GRIK4: variants seen among roughly 807,000 people sequenced by gnomAD.
GRIK4 encodes the protein glutamate receptor ionotropic, kainate 4.
GRIK4 carries 40 observed loss-of-function variants against 104.9 expected under a neutral mutation model. The observed-to-expected ratio is 0.38, with a 90% CI of 0.30 to 0.50. The LOEUF (loss-of-function observed/expected upper bound fraction) is 0.50, where lower values mean the gene tolerates loss of function less well. Among genes scored for constraint, GRIK4 ranks in the 20% least tolerant of loss-of-function variants. The pLI is 0.93. For synonymous variants in GRIK4, 485 were observed against 524.9 expected (o/e 0.92, Z 1.04); for missense variants, 1,047 against 1,308.1 (o/e 0.80, Z 3.08).
intron 1 of GRIK4, among the ~76,000 whole-genome samples, chr11:120,572,711 G>A (rs1386259603): frequency 6.6e-6 from 1 of 152,164 alleles, no homozygotes; most frequent in Non-Finnish European, 1.5e-5. Context: ...TAATTCCCAA[G>A]CCCTGCTTTA....
intron 1 of GRIK4, among the ~76,000 whole-genome samples, chr11:120,634,803 C>T (rs1393391595): frequency 6.6e-6 from 1 of 152,166 alleles, no homozygotes; most frequent in African/African-American, 2.4e-5. Flanking sequence ...CAGGGCTTCC[C>T]TTCCTCCTCT....
chr11:120,948,723 A>G (rs1276115002), intron 14 of GRIK4, among the ~76,000 whole-genome samples: 1 of 152,220 alleles, frequency 6.6e-6, no homozygotes, highest in East Asian at 1.9e-4. Flanking sequence ...CCATTGAGGA[A>G]GGCATCAGTA....
chr11:120,879,590 C>T (rs180741048), intron 11 of GRIK4, among the ~76,000 whole-genome samples: 3 of 152,290 alleles, frequency 2.0e-5, no homozygotes, highest in African/African-American at 4.8e-5. Context: ...TGATTCTGTT[C>T]GGAGAGGGTT....
intron 3 of GRIK4, among the ~76,000 whole-genome samples, chr11:120,707,266 T>C (rs963860879): frequency 6.6e-6 from 1 of 152,080 alleles, no homozygotes; most frequent in Non-Finnish European, 1.5e-5. Flanking sequence ...CATCGATGTA[T>C]CAGTGTATCA....
At chr11:120,539,888 C>T (rs564144369) in intron 1 of GRIK4, among the ~76,000 whole-genome samples, 1 of 152,254 alleles carries the variant, frequency 6.6e-6, no homozygotes, top group South Asian at 2.1e-4. Context: ...TTCAAGGTTA[C>T]CCACCAAATG....
intron 3 of GRIK4, among the ~76,000 whole-genome samples, chr11:120,756,478 C>T (rs1951653561): frequency 6.6e-6 from 1 of 152,196 alleles, no homozygotes; most frequent in Admixed American, 6.5e-5. Flanking sequence ...CTAAAGAAAA[C>T]CCCTCTCTTG....
chr11:120,851,240 AC>A (rs1953966453), intron 8 of GRIK4, among the ~76,000 whole-genome samples: 1 of 151,742 alleles, frequency 6.6e-6, no homozygotes, highest in South Asian at 2.1e-4. Flanking sequence ...ATTCCCTATC[AC>A]CCACTGCACC....
At chr11:120,622,713 A>G (rs1652633515) in intron 1 of GRIK4, among the ~76,000 whole-genome samples, 1 of 152,174 alleles carries the variant, frequency 6.6e-6, no homozygotes, top group Non-Finnish European at 1.5e-5. Context: ...TCTGCAATCA[A>G]GTTGTCAGCA....
chr11:120,564,873 G>A (rs1413568477), intron 1 of GRIK4: 1 of 152,396 alleles, frequency 6.6e-6, no homozygotes, highest in Non-Finnish European at 1.5e-5. Flanking sequence ...ACCCGGCTCA[G>A]GACTTCGCAC....
Position 120,583,820 on chromosome 11 carries a change from C to T in GRIK4, c.-158-69865C>T, listed in dbSNP as rs552566611. Among the ~76,000 whole-genome samples, 4 of 152,324 alleles carry T rather than the reference C, an allele frequency of 2.6e-5. No homozygotes were observed. In the South Asian group the frequency reaches 8.3e-4, roughly 32 times the overall value. On this transcript the variant is annotated intron_variant, in intron 1 of 20. Transcript: ENST00000527524. ...GCTTTGGGCAGTATGGCCATTTTAACAATATTGAGTCTTTCTATTCATGAA... is the reference window on the plus strand; with the variant it reads ...GCTTTGGGCAGTATGGCCATTTTAATAATATTGAGTCTTTCTATTCATGAA...
chr11:120,844,682 C>G (rs1301740316), intron 8 of GRIK4, among the ~76,000 whole-genome samples: 1 of 152,164 alleles, frequency 6.6e-6, no homozygotes, highest in African/African-American at 2.4e-5. Context: ...TCCGCAGGAC[C>G]CCCGGTACTT....
chr11:120,973,243 A>G (rs1278483944), intron 19 of GRIK4, among the ~76,000 whole-genome samples: 2 of 152,190 alleles, frequency 1.3e-5, no homozygotes, highest in Non-Finnish European at 2.9e-5. Flanking sequence ...AGATGGTTCC[A>G]CAGTTTTTGG....
At chr11:120,908,257 AT>A (rs1413014058) in intron 13 of GRIK4, among the ~76,000 whole-genome samples, 1 of 152,188 alleles carries the variant, frequency 6.6e-6, no homozygotes, top group African/African-American at 2.4e-5. Flanking sequence ...AGTACTCGTG[AT>A]CTGAGAAAAC....
intron 3 of GRIK4, among the ~76,000 whole-genome samples, chr11:120,672,639 C>T (rs776068244): frequency 6.6e-6 from 1 of 152,136 alleles, no homozygotes; most frequent in Non-Finnish European, 1.5e-5. Context: ...TGAAGAGGTC[C>T]TTCACATCCC....
At chr11:120,532,624 C>T (rs3897568) in intron 1 of GRIK4, among the ~76,000 whole-genome samples, 36,255 of 152,106 alleles carry the variant, frequency 0.24, 4,604 homozygotes, top group Admixed American at 0.37. Flanking sequence ...TCCCCTACCC[C>T]GCAAACCTTG....
chr11:120,633,351 C>T (rs1267194958), intron 1 of GRIK4, among the ~76,000 whole-genome samples: 2 of 152,140 alleles, frequency 1.3e-5, no homozygotes, highest in Admixed American at 6.5e-5. Context: ...CGATGGGGAG[C>T]GGAGAGAGCC....
chr11:120,518,147 T>G (rs953559073), intron 1 of GRIK4, among the ~76,000 whole-genome samples: 2 of 152,094 alleles, frequency 1.3e-5, no homozygotes, highest in African/African-American at 4.8e-5. Flanking sequence ...TTGCTCCCCC[T>G]GAGGCTGTGT....
In GRIK4 at chr11:120,931,480, C is replaced by A. The variant is rs188395683; in HGVS notation, c.1477-8867C>A. Among the ~76,000 whole-genome samples the A allele has an allele frequency of 7.6e-4, 115 of 152,244 alleles. 1 individual carries two copies. The highest frequency in any genetic ancestry group is 2.5e-3 in the African/African-American group (102 of 41,528). On this transcript the variant is annotated intron_variant, in intron 13 of 20. Transcript: ENST00000527524. ...AATGCAGAGGGCCCTTTCTTGCCTC[C>A]CTTCAATCTTTTTCTTCACTAGAGC...
chr11:120,731,939 T>G (rs1951138880), intron 3 of GRIK4, among the ~76,000 whole-genome samples: 1 of 152,212 alleles, frequency 6.6e-6, no homozygotes, highest in African/African-American at 2.4e-5. Flanking sequence ...TTGGATCTTC[T>G]TTCTTTTTTT....
Sources: gnomAD v4.1 joint callset for allele counts (sites outside exome capture counted in the v4.1 genomes callset) on GRCh38, gnomAD v4.1.1 for gene constraint, MANE v1.5 for transcripts, NCBI Gene and HGNC (gene_info 2026-07-23, HGNC 2026-07-21) for gene names.